Variants in ASIC2 observed in about 807,000 individuals in gnomAD.
ASIC2 encodes the protein acid sensing ion channel subunit 2.
A neutral mutation model predicts 57.3 loss-of-function variants in ASIC2; 25 were observed. The ratio of observed to expected loss-of-function variants is 0.44; its 90% CI spans 0.32 to 0.61. The LOEUF (loss-of-function observed/expected upper bound fraction) is 0.61. ASIC2 is among the 20% of genes least tolerant of loss of function. The pLI is 0.06. For missense variants in ASIC2, 641 were observed against 738.1 expected (o/e 0.87, Z 1.52); for synonymous variants, 319 against 307.5 (o/e 1.04, Z -0.39).
At chr17:33,407,239 G>A (rs897437218) in intron 1 of ASIC2, among the ~76,000 whole-genome samples, 2 of 152,220 alleles carry the variant, frequency 1.3e-5, no homozygotes, top group Admixed American at 6.5e-5. Context: ...AAAGGACAAT[G>A]TCTCAGTGCC....
At chr17:33,376,097 A>G (rs933318520) in intron 1 of ASIC2, among the ~76,000 whole-genome samples, 2 of 152,190 alleles carry the variant, frequency 1.3e-5, no homozygotes, top group Non-Finnish European at 1.5e-5. Flanking sequence ...TAAAACCAAT[A>G]GACTGGAAGA....
Position 34,091,362 on chromosome 17 carries a change from C to T in ASIC2, c.555+64616G>A, listed in dbSNP as rs112339028. 1.2e-3 allele frequency among the ~76,000 whole-genome samples: 188 copies of T among 152,370 alleles called. 3 individuals carry two copies. The highest frequency in any genetic ancestry group is 1.9e-3 in the Non-Finnish European group (131 of 68,036). On this transcript the variant is annotated intron_variant, in intron 1 of 9. Coordinates refer to the ASIC2 transcript ENST00000359872. ...TGAGTGAGTCAAATCTAAATAGCCTCGGGCATTTCTGCCATGTCCCTGGCA... is the reference window on the plus strand; with the variant it reads ...TGAGTGAGTCAAATCTAAATAGCCTTGGGCATTTCTGCCATGTCCCTGGCA...
intron 3 of ASIC2, among the ~76,000 whole-genome samples, chr17:33,035,846 T>C (rs12602361): frequency 0.15 from 22,177 of 152,246 alleles, 1,699 homozygotes; most frequent in South Asian, 0.18. Flanking sequence ...GCTCCTCCTC[T>C]GTGGGTTCCT....
intron 1 of ASIC2, among the ~76,000 whole-genome samples, chr17:34,084,449 C>T (rs2142081872): frequency 6.6e-6 from 1 of 152,282 alleles, no homozygotes; most frequent in African/African-American, 2.4e-5. Context: ...TTACTGTAGC[C>T]TTGTAGTATA....
intron 3 of ASIC2, among the ~76,000 whole-genome samples, chr17:33,029,710 C>A (rs1309487927): frequency 1.3e-5 from 2 of 152,226 alleles, no homozygotes; most frequent in Non-Finnish European, 1.5e-5. Flanking sequence ...AACTGCCCAA[C>A]TGTTATCCAA....
chr17:33,070,483 G>A (rs2092064296), intron 3 of ASIC2, among the ~76,000 whole-genome samples: 1 of 151,884 alleles, frequency 6.6e-6, no homozygotes, highest in African/African-American at 2.4e-5. Flanking sequence ...GACTACAGGT[G>A]TGCATCACCA....
chr17:33,154,651 T>A (rs943163783), intron 1 of ASIC2, among the ~76,000 whole-genome samples: 5 of 152,186 alleles, frequency 3.3e-5, no homozygotes, highest in Non-Finnish European at 7.4e-5. Flanking sequence ...TCTTTGGTTT[T>A]AAGACACGCA....
At chr17:33,800,829 G>T (rs1912113126) in intron 1 of ASIC2, among the ~76,000 whole-genome samples, 1 of 152,114 alleles carries the variant, frequency 6.6e-6, no homozygotes, top group Admixed American at 6.5e-5. Flanking sequence ...ACTTTTCAAG[G>T]TGGGTATTAT....
intron 1 of ASIC2, chr17:33,581,227 T>TAA (rs1904428458): frequency 6.6e-6 from 1 of 152,196 alleles, no homozygotes; most frequent in African/African-American, 2.4e-5. Flanking sequence ...GTTGCTGGCC[T>TAA]TGAAGATGCA....
At chr17:33,887,670 G>T (rs1914860740) in intron 1 of ASIC2, among the ~76,000 whole-genome samples, 1 of 152,108 alleles carries the variant, frequency 6.6e-6, no homozygotes, top group Non-Finnish European at 1.5e-5. Context: ...ATGGGATGAG[G>T]AGTTCTTGTT....
At chr17:33,783,969 G>A (rs1025038050) in intron 1 of ASIC2, among the ~76,000 whole-genome samples, 9 of 152,172 alleles carry the variant, frequency 5.9e-5, no homozygotes, top group Admixed American at 2.0e-4. Context: ...ACTTGGCAGC[G>A]ACTCTTTACC....
intron 1 of ASIC2, among the ~76,000 whole-genome samples, chr17:33,832,532 AG>A (rs764590199): frequency 1.3e-5 from 2 of 152,306 alleles, no homozygotes; most frequent in East Asian, 3.9e-4. Context: ...TACAAATCAA[AG>A]GTTGAAGGCT....
intron 1 of ASIC2, among the ~76,000 whole-genome samples, chr17:33,779,866 G>T (rs1288619934): frequency 6.6e-6 from 1 of 151,518 alleles, no homozygotes; most frequent in Non-Finnish European, 1.5e-5. Flanking sequence ...ATAGTTTTAT[G>T]GATGATGAAA....
At chr17:34,081,916 A>C (rs934636190) in intron 1 of ASIC2, 10 of 152,076 alleles carry the variant, frequency 6.6e-5, no homozygotes, top group Admixed American at 5.9e-4. Context: ...TCTGTACTTA[A>C]CCCCATTTTC....
At chr17:33,407,247 G>A (rs1241084940) in intron 1 of ASIC2, among the ~76,000 whole-genome samples, 1 of 152,200 alleles carries the variant, frequency 6.6e-6, no homozygotes, top group African/African-American at 2.4e-5. Flanking sequence ...ATGTCTCAGT[G>A]CCCAAGGTCC....
intron 1 of ASIC2, among the ~76,000 whole-genome samples, chr17:33,664,566 A>G (rs1437493942): frequency 1.3e-5 from 2 of 152,174 alleles, no homozygotes; most frequent in African/African-American, 4.8e-5. Context: ...TTTCATATAC[A>G]CATTGACACT....
At chr17:33,625,750 C>A (rs552884336) in intron 1 of ASIC2, among the ~76,000 whole-genome samples, 1 of 152,298 alleles carries the variant, frequency 6.6e-6, no homozygotes, top group Admixed American at 6.5e-5. Context: ...GACAAATCTG[C>A]CATGTGAGTT....
At chr17:33,888,230 G>A (rs144589871) in intron 1 of ASIC2, among the ~76,000 whole-genome samples, 256 of 152,244 alleles carry the variant, frequency 1.7e-3, no homozygotes, top group African/African-American at 5.8e-3. Context: ...GCTTATTGGG[G>A]AGGTCAGGGA....
At chr17:33,362,217 C>CCT (rs1489664455) in intron 1 of ASIC2, among the ~76,000 whole-genome samples, 9 of 152,136 alleles carry the variant, frequency 5.9e-5, no homozygotes, top group African/African-American at 2.2e-4. Flanking sequence ...AACAATTTAG[C>CCT]CTCTCTCCCT....
Sources: allele counts gnomAD v4.1 joint callset (sites outside exome capture counted in the v4.1 genomes callset), GRCh38; gene constraint gnomAD v4.1.1; transcripts MANE v1.5; gene names NCBI Gene and HGNC (gene_info 2026-07-23, HGNC 2026-07-21).